Variants in NCKAP5 observed in about 807,000 individuals in gnomAD.
The protein encoded by NCKAP5 is NCK associated protein 5.
NCKAP5 carries 92 observed loss-of-function variants against 167.0 expected under a neutral mutation model. The observed-to-expected ratio is 0.55, with a 90% confidence interval of 0.47 to 0.66. The LOEUF (loss-of-function observed/expected upper bound fraction) is 0.66, where lower values mean the gene tolerates loss of function less well. Ranked by LOEUF, NCKAP5 falls within the 30% of genes least tolerant of loss-of-function variation. The probability of loss-of-function intolerance (pLI) is 0.00; values close to 1 mark genes in which losing one functional copy is unlikely to be tolerated. For synonymous variants in NCKAP5, 891 were observed against 877.4 expected, an observed-to-expected ratio of 1.02 and a Z score of -0.27; for missense variants, 2,378 against 2,315.0, an observed-to-expected ratio of 1.03 and a Z score of -0.56.
chr2:133,233,600 T>C (rs997779281), intron 4 of NCKAP5, among the ~76,000 whole-genome samples: 2 of 152,184 alleles, frequency 1.3e-5, no homozygotes, highest in Admixed American at 1.3e-4. Context: ...TAAATACCAA[T>C]TTTATATACC....
At chr2:133,472,641 C>T (rs1256079786) in intron 3 of NCKAP5, among the ~76,000 whole-genome samples, 1 of 152,028 alleles carries the variant, frequency 6.6e-6, no homozygotes, top group East Asian at 1.9e-4. Flanking sequence ...GTCCGAGACC[C>T]ATATGTACTA....
chr2:132,785,215 T>C lies in NCKAP5; in HGVS notation c.1596A>G (p.Glu532=). Reference sequence around the variant, plus strand: ...CGCAACTTGTCAGCTTTTCAGGCCTTTCCTTGGGATAAACTGAGGATGTGC... The same window carrying C: ...CGCAACTTGTCAGCTTTTCAGGCCTCTCCTTGGGATAAACTGAGGATGTGC... ...LEGTSSVYPK[E]RPEKLTSCAS... The change falls in exon 14 of 20, where the codon GAA becomes GAG. Residue 532 remains glutamate, a synonymous_variant. Transcript: ENST00000409261. 3 of 1,571,692 alleles carry C rather than the reference T, an allele frequency of 1.9e-6. No homozygotes were observed. Among genetic ancestry groups the C allele is most frequent in the Non-Finnish European group, 1.7e-6 (2 of 1,161,196 alleles).
At chr2:133,197,054 A>G (rs540601367) in intron 5 of NCKAP5, among the ~76,000 whole-genome samples, 217 of 152,290 alleles carry the variant, frequency 1.4e-3, no homozygotes, top group African/African-American at 4.3e-3. Flanking sequence ...TGTAATCATG[A>G]GAAGTGGGCA....
At chr2:132,741,721 A>C (rs1164211648) in intron 16 of NCKAP5, among the ~76,000 whole-genome samples, 1 of 152,132 alleles carries the variant, frequency 6.6e-6, no homozygotes, top group Non-Finnish European at 1.5e-5. Context: ...ATAAATGTAG[A>C]ATCACAATGG....
chr2:133,187,456 A>G (rs948916626), intron 5 of NCKAP5, among the ~76,000 whole-genome samples: 20 of 152,202 alleles, frequency 1.3e-4, no homozygotes, highest in Admixed American at 1.2e-3. Flanking sequence ...TTTGGAAGCT[A>G]TAGTGGGAAG....
intron 3 of NCKAP5, among the ~76,000 whole-genome samples, chr2:133,449,354 C>T (rs1691406837): frequency 6.6e-6 from 1 of 152,124 alleles, no homozygotes; most frequent in African/African-American, 2.4e-5. Flanking sequence ...AGCTCTTGTA[C>T]CTTGGGCAAA....
intron 6 of NCKAP5, among the ~76,000 whole-genome samples, chr2:133,028,053 T>A (rs1021748291): frequency 2.0e-5 from 3 of 152,150 alleles, no homozygotes; most frequent in African/African-American, 7.2e-5. Flanking sequence ...GTATTTCAGA[T>A]TTTTGGATTT....
At position 132,673,149 on chromosome 2, in the gene NCKAP5, C is replaced by T; in HGVS notation, c.*140G>A. 7.4e-7 allele frequency: 1 copy of T among 1,356,600 alleles called. No individual in the cohort carries two copies. The highest frequency in any genetic ancestry group is 9.5e-7 in the Non-Finnish European group (1 of 1,058,036). 84.0% of individuals were successfully genotyped at this position (1,356,600 alleles called of 1,614,324 possible). On this transcript the variant is annotated 3_prime_UTR_variant, in exon 20 of 20. Coordinates refer to ENST00000409261, the MANE Select transcript of NCKAP5 (RefSeq NM_207363.3). ...CTCAAAGATGTCTCTTCATTTTTTT[C>T]TTTTTCTTCCTTCTGTCCTTCAACC...
intron 8 of NCKAP5, among the ~76,000 whole-genome samples, chr2:132,904,047 G>A (rs1693824542): frequency 6.6e-6 from 1 of 152,078 alleles, no homozygotes; most frequent in African/African-American, 2.4e-5. Flanking sequence ...CCAGCACTTT[G>A]GGAGGCTGAG....
intron 5 of NCKAP5, among the ~76,000 whole-genome samples, chr2:133,191,723 A>C (rs1441956493): frequency 6.6e-6 from 1 of 152,136 alleles, no homozygotes; most frequent in Non-Finnish European, 1.5e-5. Flanking sequence ...AACAATGAGA[A>C]CACTTGGACA....
intron 4 of NCKAP5, among the ~76,000 whole-genome samples, chr2:133,230,238 G>A (rs79223732): frequency 0.06 from 9,155 of 152,108 alleles, 929 homozygotes; most frequent in African/African-American, 0.21. Flanking sequence ...CATCTGGTGG[G>A]CAATAAGGAT....
rs146111266 is a variant in NCKAP5, at chr2:132,978,679, C to G, written c.430-14810G>C. ...TTAGAAACCAGACAGAAGCTGGCCA[C>G]ATGGTGCACATCAACATGACAATAG... On this transcript the variant is annotated intron_variant, in intron 7 of 19. Transcript: ENST00000409261. Among the ~76,000 whole-genome samples the G allele has an allele frequency of 5.3e-5, 8 of 152,322 alleles. No homozygotes were observed. In the East Asian group the frequency reaches 1.5e-3, roughly 29 times the overall value.
chr2:133,435,277 A>G (rs189387219), intron 3 of NCKAP5, among the ~76,000 whole-genome samples: 1 of 152,316 alleles, frequency 6.6e-6, no homozygotes, highest in East Asian at 1.9e-4. Flanking sequence ...AAACAACACA[A>G]TTTCTGGAAC....
chr2:133,193,410 C>G (rs2085312558), intron 5 of NCKAP5, among the ~76,000 whole-genome samples: 1 of 151,896 alleles, frequency 6.6e-6, no homozygotes, highest in Non-Finnish European at 1.5e-5. Context: ...GGTAAAGGGT[C>G]CTCTGGGCTC....
chr2:132,692,108 GATTTTATTTTATTTTATTTTATTTT>G (rs5834326), intron 19 of NCKAP5, among the ~76,000 whole-genome samples: 6 of 136,604 alleles, frequency 4.4e-5, no homozygotes, highest in African/African-American at 1.4e-4. Flanking sequence ...AAGCCTGCTT[GATTTTATTTTATTTTATTTTATTTT>G]ATTTTATTTT....
At chr2:132,851,286 G>A (rs1380875986) in intron 11 of NCKAP5, among the ~76,000 whole-genome samples, 6 of 152,206 alleles carry the variant, frequency 3.9e-5, no homozygotes, top group Non-Finnish European at 5.9e-5. Flanking sequence ...GTGTGTGCTT[G>A]TATATGAGGT....
chr2:133,125,384 C>G (rs1371453210), intron 6 of NCKAP5, among the ~76,000 whole-genome samples: 3 of 152,258 alleles, frequency 2.0e-5, no homozygotes, highest in Non-Finnish European at 4.4e-5. Context: ...CAGTGATTGT[C>G]TTTACATACA....
At chr2:133,354,266 TC>T (rs1428170122) in intron 3 of NCKAP5, among the ~76,000 whole-genome samples, 5 of 150,894 alleles carry the variant, frequency 3.3e-5, no homozygotes, top group African/African-American at 1.2e-4. Flanking sequence ...TTTTTTTTTT[TC>T]CTTTTTCTTT....
At chr2:133,554,766 C>A (rs1687618279) in intron 2 of NCKAP5, among the ~76,000 whole-genome samples, 1 of 152,050 alleles carries the variant, frequency 6.6e-6, no homozygotes, top group Non-Finnish European at 1.5e-5. Flanking sequence ...ATATCAGGTA[C>A]CATGGGCTGG....
Sources: allele counts gnomAD v4.1 joint callset (sites outside exome capture counted in the v4.1 genomes callset), GRCh38; gene constraint gnomAD v4.1.1; transcripts MANE v1.5; gene names NCBI Gene and HGNC (gene_info 2026-07-23, HGNC 2026-07-21).